Variants in SLAMF1 observed in about 807,000 individuals in gnomAD.
The protein encoded by SLAMF1 is signaling lymphocytic activation molecule family member 1, also known as signaling lymphocytic activation molecule.
In SLAMF1, 18 loss-of-function variants were observed where a neutral mutation model predicts 35.1. The ratio of observed to expected loss-of-function variants is 0.51; its 90% CI spans 0.35 to 0.76. The LOEUF (loss-of-function observed/expected upper bound fraction) is 0.76, where lower values mean the gene tolerates loss of function less well. SLAMF1 is among the 30% of genes least tolerant of loss of function. The pLI, the probability that SLAMF1 is intolerant of heterozygous loss-of-function variation, is 0.01. For synonymous variants in SLAMF1, 168 were observed against 157.2 expected, an observed-to-expected ratio of 1.07 and a Z score of -0.51; for missense variants, 392 against 413.0, an observed-to-expected ratio of 0.95 and a Z score of 0.44.
chr1:160,646,872 G>C lies in SLAMF1; in HGVS notation c.74C>G (p.Thr25Arg). ...CCATCAGGCAGATGAACACTCACCT[G>C]TTCCGTAGCTTGCCCCAAAAGCCAG... ...LSLAFGASYG[T>R]GGRMMNCPKI... is the part of the protein sequence containing the mutation. The change falls in exon 1 of 7, where the codon ACA becomes AGA. Residue 25 changes from threonine (T) to arginine (R), a missense_variant and splice_region_variant. Thr to Arg is a moderately conservative substitution (Grantham distance 71). Coordinates refer to ENST00000302035, the MANE Select transcript of SLAMF1 (RefSeq NM_003037.5). 6.3e-7 allele frequency: 1 copy of C among 1,581,358 alleles called. No individual in the cohort carries two copies.
Position 160,646,893 on chromosome 1 carries a change from G to T in SLAMF1, c.53C>A (p.Ala18Asp). The stretch of plus-strand genomic sequence containing the variant: ...ACCTGTTCCGTAGCTTGCCCCAAAA[G>T]CCAGGGAGAGAAACAGCACGAAGGT... ...SLTFVLFLSL[A>D]FGASYGTGGR... is the part of the protein sequence containing the mutation. The change falls in exon 1 of 7, where the codon GCT becomes GAT. Residue 18 changes from alanine to aspartate, a missense_variant. Physicochemically the swap from Ala to Asp is moderately radical, Grantham distance 126. Transcript: ENST00000302035. The T allele has an allele frequency of 6.2e-7, 1 of 1,607,350 alleles. No homozygotes were observed. Among genetic ancestry groups the T allele is most frequent in the South Asian group, 1.1e-5 (1 of 90,858 alleles).
Position 160,608,120 on chromosome 1 carries a change from T to C in SLAMF1, c.*2628A>G, listed in dbSNP as rs952965262. 3.0e-4 allele frequency: 46 copies of C among 152,232 alleles called. No homozygotes were observed. Among genetic ancestry groups the C allele is most frequent in the African/African-American group, 1.1e-3 (45 of 41,460 alleles). The allele number at this position is 152,232 out of a possible 1,614,324, so 9.4% of individuals were successfully genotyped here. A position where few individuals can be genotyped will look rare whatever the true frequency, so the allele number is the denominator to read the frequency against. ...CAAAATTGCAATTTCCTTGATGGAC[T>C]GGCTGTAATTTATTCATTTCCAAAA... On this transcript the variant is annotated 3_prime_UTR_variant, in exon 7 of 7. Transcript: ENST00000302035.
intron 5 of SLAMF1, 53 bp downstream of exon 5, chr1:160,619,723 G>T: frequency 8.6e-7 from 1 of 1,158,624 alleles, no homozygotes. Context: ...AGACTGGCCA[G>T]GAATACTCTA....
chr1:160,627,910 T>A (rs1029342789), intron 3 of SLAMF1, among the ~76,000 whole-genome samples: 1 of 152,168 alleles, frequency 6.6e-6, no homozygotes, highest in Non-Finnish European at 1.5e-5. Flanking sequence ...AATTGAATCA[T>A]GGGGTGGTTT....
chr1:160,614,906 A>G (rs1045243588), intron 5 of SLAMF1, among the ~76,000 whole-genome samples: 3 of 152,060 alleles, frequency 2.0e-5, no homozygotes, highest in African/African-American at 7.2e-5. Context: ...ATCTTTAGGG[A>G]GCATCATTTA....
intron 1 of SLAMF1, among the ~76,000 whole-genome samples, chr1:160,639,192 C>A (rs1399089488): frequency 1.3e-5 from 2 of 152,134 alleles, no homozygotes; most frequent in African/African-American, 4.8e-5. Context: ...CTGGAAACAT[C>A]CTTGATTCCT....
chr1:160,639,248 T>A (rs1660616684), intron 1 of SLAMF1, among the ~76,000 whole-genome samples: 1 of 152,064 alleles, frequency 6.6e-6, no homozygotes, highest in Non-Finnish European at 1.5e-5. Context: ...TTCTGTGAGA[T>A]GGAGTCTTGT....
At chr1:160,625,843 G>GTA (rs1558007821) in intron 3 of SLAMF1, among the ~76,000 whole-genome samples, 2 of 138,110 alleles carry the variant, frequency 1.4e-5, no homozygotes, top group African/African-American at 2.9e-5. Flanking sequence ...GTGTGTGTGT[G>GTA]TGTGTGTGTG....
At chr1:160,620,052 G>T (rs1310428118) in intron 4 of SLAMF1, among the ~76,000 whole-genome samples, 2 of 152,082 alleles carry the variant, frequency 1.3e-5, no homozygotes, top group African/African-American at 4.8e-5. Flanking sequence ...CTGTGAAATG[G>T]GATTTGAAAT....
intron 2 of SLAMF1, among the ~76,000 whole-genome samples, chr1:160,635,732 G>T (rs377257222): frequency 6.4e-5 from 8 of 125,924 alleles, no homozygotes; most frequent in African/African-American, 2.4e-4. Flanking sequence ...CCACCATGCT[G>T]AGCTAATTTT....
intron 1 of SLAMF1, among the ~76,000 whole-genome samples, chr1:160,645,013 A>G (rs1660960292): frequency 6.6e-6 from 1 of 152,226 alleles, no homozygotes; most frequent in Non-Finnish European, 1.5e-5. Context: ...CAGAGGGCAT[A>G]TGGGAAATCT....
At chr1:160,640,937 A>G (rs1660713598) in intron 1 of SLAMF1, among the ~76,000 whole-genome samples, 1 of 152,130 alleles carries the variant, frequency 6.6e-6, no homozygotes, top group South Asian at 2.1e-4. Context: ...TATACTGGGA[A>G]GCATGTTGGA....
At chr1:160,634,443 C>A (rs945019636) in intron 3 of SLAMF1, 170 bp downstream of exon 3, 16 of 974,814 alleles carry the variant, frequency 1.6e-5, no homozygotes, top group Non-Finnish European at 1.3e-5. Context: ...CCACCCTGGT[C>A]AATATGAGAG....
chr1:160,612,182 T>G (rs141165422), intron 6 of SLAMF1, among the ~76,000 whole-genome samples: 2,678 of 152,168 alleles, frequency 0.018, 39 homozygotes, highest in African/African-American at 0.033. Flanking sequence ...GCCTGCATGC[T>G]GTGGCCTCCC....
chr1:160,643,178 C>T (rs908762899), intron 1 of SLAMF1, among the ~76,000 whole-genome samples: 1 of 152,112 alleles, frequency 6.6e-6, no homozygotes, highest in African/African-American at 2.4e-5. Flanking sequence ...CAGCTATCCC[C>T]CCTCCCCGTC....
chr1:160,632,694 C>T (rs572588697), intron 3 of SLAMF1, among the ~76,000 whole-genome samples: 1 of 152,162 alleles, frequency 6.6e-6, no homozygotes, highest in Non-Finnish European at 1.5e-5. Flanking sequence ...TCTAATAGGG[C>T]AGCTATACCC....
chr1:160,637,389 T>C lies in SLAMF1; in HGVS notation c.217A>G (p.Ser73Gly). The C allele has an allele frequency of 6.2e-7, 1 of 1,614,148 alleles. No homozygotes were observed. Among genetic ancestry groups the C allele is most frequent in the Non-Finnish European group, 8.5e-7 (1 of 1,179,994 alleles). Residue 73 changes from serine (S) to glycine (G), a missense_variant, in exon 2 of 7, where the codon AGT becomes GGT. Transcript: ENST00000302035. ...AGAGACACTATTTTGTTCTCGACACTGTTCTCCAGTGATTTTGCCATTGTG... is the reference window on the plus strand; with the variant it reads ...AGAGACACTATTTTGTTCTCGACACCGTTCTCCAGTGATTTTGCCATTGTG... ...VVTMAKSLEN[S>G]VENKIVSLDP...
Position 160,634,702 on chromosome 1 carries a change from T to G in SLAMF1, c.611A>C (p.Asp204Ala), listed in dbSNP as rs758572277. 1 of 1,614,002 alleles carries G rather than the reference T, an allele frequency of 6.2e-7. No individual in the cohort carries two copies. Among genetic ancestry groups the G allele is most frequent in the African/African-American group, 1.3e-5 (1 of 74,896 alleles). Residue 204 changes from aspartate to alanine, a missense_variant, in exon 3 of 7, where the codon GAC becomes GCC. Physicochemically the swap from Asp to Ala is moderately radical, Grantham distance 126. Transcript: ENST00000302035. Reference protein sequence around the residue: ...LSLTLGPQHADNIYICTVSNP... With the variant: ...LSLTLGPQHAANIYICTVSNP... Reference sequence around the variant, plus strand: ...GCTCACGGTGCAGATGTAGATATTGTCAGCATGCTGGGGGCCGAGGGTGAG... The same window carrying G: ...GCTCACGGTGCAGATGTAGATATTGGCAGCATGCTGGGGGCCGAGGGTGAG...
intron 3 of SLAMF1, among the ~76,000 whole-genome samples, chr1:160,628,054 A>G (rs1659973975): frequency 6.6e-6 from 1 of 152,174 alleles, no homozygotes; most frequent in Non-Finnish European, 1.5e-5. Context: ...GCCTTCAACC[A>G]TGATTGTGAG....
Sources: gnomAD v4.1 joint callset for allele counts (sites outside exome capture counted in the v4.1 genomes callset) on GRCh38, gnomAD v4.1.1 for gene constraint, MANE v1.5 for transcripts, NCBI Gene and HGNC (gene_info 2026-07-23, HGNC 2026-07-21) for gene names.